Variants in TANK observed in about 807,000 individuals in gnomAD.
TANK encodes TRAF family member-associated NF-kappa-B activator.
TANK carries 15 observed loss-of-function variants against 43.6 expected under a neutral mutation model. The observed-to-expected ratio is 0.34, with a 90% confidence interval of 0.23 to 0.53. TANK has a LOEUF of 0.53. TANK is among the 20% of genes least tolerant of loss of function. The probability of loss-of-function intolerance (pLI) is 0.94; values close to 1 mark genes in which losing one functional copy is unlikely to be tolerated. For synonymous variants in TANK, 162 were observed against 178.2 expected (o/e 0.91, Z 0.73); for missense variants, 417 against 498.6 (o/e 0.84, Z 1.56).
intron 1 of TANK, among the ~76,000 whole-genome samples, chr2:161,168,227 T>C (rs952021589): frequency 4.6e-5 from 7 of 152,084 alleles, no homozygotes; most frequent in Non-Finnish European, 8.8e-5. Context: ...ACATTAAAAG[T>C]TTTTATTTCT....
chr2:161,208,159 T>C, intron 4 of TANK: 1 of 985,310 alleles, frequency 1.0e-6, no homozygotes, highest in Non-Finnish European at 1.2e-6. Flanking sequence ...AGGGAAAGAC[T>C]TGTGGACATT....
At chr2:161,167,337 A>G (rs1192892736) in intron 1 of TANK, among the ~76,000 whole-genome samples, 1 of 152,190 alleles carries the variant, frequency 6.6e-6, no homozygotes, top group African/African-American at 2.4e-5. Flanking sequence ...GATTTGGCTC[A>G]TACACTGTCA....
chr2:161,191,027 T>G (rs1685892251), intron 2 of TANK, among the ~76,000 whole-genome samples: 1 of 152,194 alleles, frequency 6.6e-6, no homozygotes. Flanking sequence ...ACTCATCAAT[T>G]TATATAAACT....
chr2:161,217,214 C>G (rs1052112058), intron 4 of TANK, among the ~76,000 whole-genome samples: 1 of 152,154 alleles, frequency 6.6e-6, no homozygotes, highest in Admixed American at 6.5e-5. Flanking sequence ...AGGGGCAGCT[C>G]CAATCTCCAT....
chr2:161,168,495 A>T (rs1394579226), intron 1 of TANK, among the ~76,000 whole-genome samples: 1 of 152,154 alleles, frequency 6.6e-6, no homozygotes, highest in Non-Finnish European at 1.5e-5. Context: ...TCAGAATCCT[A>T]GGGACAAAAA....
intron 4 of TANK, among the ~76,000 whole-genome samples, chr2:161,214,923 G>A (rs1687052194): frequency 6.6e-6 from 1 of 152,168 alleles, no homozygotes; most frequent in African/African-American, 2.4e-5. Context: ...TTAAAGGAGA[G>A]GCATATTGAG....
At chr2:161,139,748 G>A in intron 1 of TANK, 1 of 985,262 alleles carries the variant, frequency 1.0e-6, no homozygotes, top group Non-Finnish European at 1.2e-6. Context: ...AACAGAAAAA[G>A]AATGAAAACA....
intron 1 of TANK, among the ~76,000 whole-genome samples, chr2:161,176,018 G>A (rs998610134): frequency 6.6e-6 from 1 of 152,140 alleles, no homozygotes; most frequent in Non-Finnish European, 1.5e-5. Context: ...CCCTAACTAG[G>A]AGAGTGTTTT....
chr2:161,231,815 G>A (rs1339605001), intron 7 of TANK, among the ~76,000 whole-genome samples: 1 of 152,176 alleles, frequency 6.6e-6, no homozygotes, highest in African/African-American at 2.4e-5. Context: ...CTGTCGTGGT[G>A]TCACTTTCTT....
chr2:161,192,566 G>A (rs1457276474), intron 2 of TANK, among the ~76,000 whole-genome samples: 1 of 151,956 alleles, frequency 6.6e-6, no homozygotes, highest in Non-Finnish European at 1.5e-5. Flanking sequence ...TTAAAACATG[G>A]CTCTTTTTAG....
At chr2:161,218,075 A>G (rs1687197210) in intron 4 of TANK, among the ~76,000 whole-genome samples, 1 of 152,156 alleles carries the variant, frequency 6.6e-6, no homozygotes, top group South Asian at 2.1e-4. Flanking sequence ...TATGTTAACA[A>G]GTGACTCGTT....
intron 2 of TANK, chr2:161,179,972 G>A: frequency 8.1e-7 from 1 of 1,236,676 alleles, no homozygotes; most frequent in Non-Finnish European, 1.0e-6. Context: ...GATTTGATGG[G>A]CTCCTTTTCA....
intron 2 of TANK, among the ~76,000 whole-genome samples, chr2:161,194,478 AT>A (rs1686056329): frequency 6.6e-6 from 1 of 152,116 alleles, no homozygotes; most frequent in Admixed American, 6.6e-5. Context: ...AAACCATGCA[AT>A]TTGCTAAGCA....
intron 2 of TANK, among the ~76,000 whole-genome samples, chr2:161,188,179 G>A (rs1574006450): frequency 6.6e-6 from 1 of 151,582 alleles, no homozygotes; most frequent in Non-Finnish European, 1.5e-5. Context: ...CTAGCATAAA[G>A]AAGAAAATAA....
At chr2:161,169,313 A>T (rs989236774) in intron 1 of TANK, among the ~76,000 whole-genome samples, 3 of 152,268 alleles carry the variant, frequency 2.0e-5, no homozygotes, top group Non-Finnish European at 4.4e-5. Context: ...TAGGAAACAA[A>T]GCAAACAAGA....
intron 1 of TANK, among the ~76,000 whole-genome samples, chr2:161,152,593 G>A (rs1413560517): frequency 6.6e-6 from 1 of 151,980 alleles, no homozygotes; most frequent in African/African-American, 2.4e-5. Flanking sequence ...TTCAAAAATT[G>A]CCTCAAAAAT....
Position 161,224,753 on chromosome 2 carries a change from T to C in TANK, c.520+7T>C. ...ATACCAGACACTGCAACTGGTAAGA[T>C]TTAATTTAATTTACAGTAATATTGA... is the stretch of plus-strand genomic sequence containing the variant. On this transcript the variant is annotated splice_region_variant and intron_variant, in intron 6 of 7. Coordinates refer to ENST00000392749, the MANE Select transcript of TANK (RefSeq NM_001199135.3). The C allele has an allele frequency of 7.0e-7, 1 of 1,429,704 alleles. No individual in the cohort carries two copies. The highest frequency in any genetic ancestry group is 9.5e-7 in the Non-Finnish European group (1 of 1,050,294). 88.6% of individuals were successfully genotyped at this position (1,429,704 alleles called of 1,614,324 possible).
intron 1 of TANK, among the ~76,000 whole-genome samples, chr2:161,170,440 C>T (rs189038464): frequency 1.1e-4 from 17 of 152,136 alleles, no homozygotes; most frequent in Non-Finnish European, 1.6e-4. Context: ...ATTTTTGTTC[C>T]GAAATTCTAT....
At chr2:161,221,102 G>T (rs935695096) in intron 4 of TANK, among the ~76,000 whole-genome samples, 7 of 152,102 alleles carry the variant, frequency 4.6e-5, no homozygotes, top group African/African-American at 1.7e-4. Context: ...TATCTTAATG[G>T]ATTTAGTTGA....
Sources: gnomAD v4.1 joint callset for allele counts (sites outside exome capture counted in the v4.1 genomes callset) on GRCh38, gnomAD v4.1.1 for gene constraint, MANE v1.5 for transcripts, NCBI Gene and HGNC (gene_info 2026-07-23, HGNC 2026-07-21) for gene names.